The following MTCL1 variants were observed in gnomAD, a reference collection of about 807,000 sequenced individuals.
MTCL1 encodes the protein microtubule crosslinking factor 1.
MTCL1 carries 79 observed loss-of-function variants against 141.4 expected under a neutral mutation model. That is an observed-to-expected ratio of 0.56 (90% confidence interval 0.47 to 0.67). The LOEUF (loss-of-function observed/expected upper bound fraction) is 0.67. MTCL1 is among the 30% of genes least tolerant of loss of function. MTCL1 has a pLI of 0.00. For synonymous variants in MTCL1, 914 were observed against 875.8 expected, an observed-to-expected ratio of 1.04 and a Z score of -0.77; for missense variants, 2,177 against 2,113.9, an observed-to-expected ratio of 1.03 and a Z score of -0.59.
chr18:8,819,087 G>C (rs2076757018), exon 13 of MTCL1: 2 of 1,614,246 alleles, frequency 1.2e-6, no homozygotes, highest in Non-Finnish European at 1.7e-6. Context: ...ATGTGGCCTT[G>C]TGCAGATGCT....
In MTCL1 at chr18:8,814,598, A is replaced by G. The variant is rs73398477; in HGVS notation, c.2859+1365A>G. On this transcript the variant is annotated intron_variant, in intron 12 of 16. Transcript: ENST00000359865. ...GATAGAAGTGGCATATATTCTTTGA[A>G]AATGGCCACTAATTTATTATATCCA... Among the ~76,000 whole-genome samples, 1,452 of 152,310 alleles carry G rather than the reference A, an allele frequency of 9.5e-3. 21 individuals carry two copies. The highest frequency in any genetic ancestry group is 0.031 in the East Asian group (159 of 5,182).
At chr18:8,770,406 A>G (rs1352778758) in intron 4 of MTCL1, among the ~76,000 whole-genome samples, 4 of 152,192 alleles carry the variant, frequency 2.6e-5, no homozygotes, top group Non-Finnish European at 5.9e-5. Context: ...CTCAGAGTCC[A>G]GGGTTGAGTT....
chr18:8,763,917 G>A (rs549790562), intron 4 of MTCL1, among the ~76,000 whole-genome samples: 5 of 152,162 alleles, frequency 3.3e-5, no homozygotes, highest in African/African-American at 1.2e-4. Context: ...GAATTTTGTT[G>A]TTGAAATTTT....
intron 4 of MTCL1, among the ~76,000 whole-genome samples, chr18:8,756,341 GTA>G (rs1174595595): frequency 4.1e-5 from 6 of 147,928 alleles, no homozygotes; most frequent in Admixed American, 6.7e-5. Flanking sequence ...ATATGTGTGT[GTA>G]TATATATGTG....
At chr18:8,812,851 A>T (rs1010381779) in intron 11 of MTCL1, 128 bp from the exon 11 acceptor site, 1 of 1,196,324 alleles carries the variant, frequency 8.4e-7, no homozygotes, top group Non-Finnish European at 1.2e-6. Context: ...AAATTTGTTT[A>T]TACTGTGGGA....
At chr18:8,718,540 C>T (rs141884978) in exon 3 of MTCL1, 2 of 1,614,090 alleles carry the variant, frequency 1.2e-6, no homozygotes, top group East Asian at 2.2e-5. Flanking sequence ...ATAAAAACTG[C>T]CGAATCCTGC....
At position 8,783,631 on chromosome 18, in the gene MTCL1, G is replaced by A. The variant is rs371711557; in HGVS notation, c.519G>A (p.Leu173=). The change falls in exon 6 of 17, where the codon CTG becomes CTA. Residue 173 remains leucine, a synonymous_variant. Coordinates refer to ENST00000359865, the Ensembl canonical transcript of MTCL1. Reference sequence around the variant, plus strand: ...AGCTAGGAAGGGAGAAGGACGAGCTGGAGCAGGAGCTCCAGAAGTACAAGT... The same window carrying A: ...AGCTAGGAAGGGAGAAGGACGAGCTAGAGCAGGAGCTCCAGAAGTACAAGT... 8 of 1,613,592 alleles carry A rather than the reference G, an allele frequency of 5.0e-6. No homozygotes were observed. In the African/African-American group the frequency reaches 6.7e-5, roughly 13 times the overall value.
chr18:8,738,420 A>G (rs1256198917), intron 4 of MTCL1, among the ~76,000 whole-genome samples: 1 of 152,162 alleles, frequency 6.6e-6, no homozygotes, highest in Non-Finnish European at 1.5e-5. Flanking sequence ...AGGTACTTTT[A>G]ATGTGAAGCC....
chr18:8,765,559 A>G (rs1320819840), intron 4 of MTCL1, among the ~76,000 whole-genome samples: 2 of 152,126 alleles, frequency 1.3e-5, no homozygotes, highest in Non-Finnish European at 2.9e-5. Flanking sequence ...AGTGCCTCAC[A>G]CTGCCCGTCC....
At chr18:8,829,074 C>T (rs912871721) in intron 16 of MTCL1, 2 of 1,577,974 alleles carry the variant, frequency 1.3e-6, no homozygotes, top group Non-Finnish European at 1.7e-6. Context: ...GTGGCGGTAC[C>T]CTCGCTCACC....
intron 5 of MTCL1, among the ~76,000 whole-genome samples, chr18:8,778,153 AAGTGT>A (rs2096518918): frequency 6.6e-6 from 1 of 152,202 alleles, no homozygotes; most frequent in Non-Finnish European, 1.5e-5. Flanking sequence ...AAACAGAATT[AAGTGT>A]AGTTTGGGGG....
intron 11 of MTCL1, among the ~76,000 whole-genome samples, chr18:8,808,552 C>T (rs903198034): frequency 6.6e-6 from 1 of 152,174 alleles, no homozygotes; most frequent in Non-Finnish European, 1.5e-5. Flanking sequence ...CTGCCCAAAT[C>T]ATTTAGGAAG....
chr18:8,786,381 G>A (rs900735903), intron 7 of MTCL1: 1 of 640,882 alleles, frequency 1.6e-6, no homozygotes, highest in African/African-American at 1.8e-5. Flanking sequence ...TAGGCTGATT[G>A]GTGAGTGCGC....
upstream of MTCL1, among the ~76,000 whole-genome samples, chr18:8,713,000 C>T (rs374324008): frequency 7.7e-3 from 1,168 of 152,274 alleles, 19 homozygotes; most frequent in African/African-American, 0.026. Context: ...ATCACTTATA[C>T]TAAGAAGCCA....
chr18:8,706,754 G>C, intron 1 of MTCL1, 41 bp downstream of exon 1: 2 of 1,539,856 alleles, frequency 1.3e-6, no homozygotes, highest in Non-Finnish European at 1.7e-6. Flanking sequence ...GGGCGCCCCC[G>C]GAGGGCCTGG....
At position 8,810,075 on chromosome 18, in the gene MTCL1, TC is replaced by T. The variant is rs2076432572; in HGVS notation, c.2605-2902del. 6.4e-6 allele frequency: 1 copy of T among 155,150 alleles called. No individual in the cohort carries two copies. Among genetic ancestry groups the T allele is most frequent in the Non-Finnish European group, 1.4e-5 (1 of 69,918 alleles). The allele number at this position is 155,150 out of a possible 1,614,324, so 9.6% of individuals were successfully genotyped here. On this transcript the variant is annotated intron_variant, in intron 11 of 16. Transcript: ENST00000359865. This position sits in a 1 kb window ranked among gnomAD's most constrained non-coding sequence, Gnocchi z 5.0. The stretch of plus-strand genomic sequence containing the variant: ...GCCAAAGGGAGAGACGCTGTGGCGT[TC>T]CAGGTGGAGTTCAGCGATATCGGAT...
intron 4 of MTCL1, among the ~76,000 whole-genome samples, chr18:8,773,823 T>C (rs1005784512): frequency 9.2e-5 from 14 of 152,212 alleles, no homozygotes; most frequent in African/African-American, 2.4e-5. Flanking sequence ...TATTGATTAT[T>C]AAAATCTCAT....
chr18:8,794,826 C>T (rs1353815024), intron 8 of MTCL1, among the ~76,000 whole-genome samples: 1 of 152,184 alleles, frequency 6.6e-6, no homozygotes. Flanking sequence ...TTTTTAATTA[C>T]TGATCTTTGT....
rs551550791 is a variant in MTCL1, at chr18:8,739,102, A to G, written c.357+18606A>G. Among the ~76,000 whole-genome samples, 13 of 152,246 alleles carry G rather than the reference A, an allele frequency of 8.5e-5. 1 individual carries two copies. The South Asian group carries it at 2.7e-3, about 32-fold the overall frequency. On this transcript the variant is annotated intron_variant, in intron 4 of 16. Transcript: ENST00000359865. Reference sequence around the variant, plus strand: ...AAAATTAAAATTAAAAAAATTAGCCAGGTGTGGTGACATGTACCTATAGTC... The same window carrying G: ...AAAATTAAAATTAAAAAAATTAGCCGGGTGTGGTGACATGTACCTATAGTC...
Sources: allele counts gnomAD v4.1 joint callset (sites outside exome capture counted in the v4.1 genomes callset), GRCh38; gene constraint gnomAD v4.1.1; non-coding constraint Gnocchi (gnomAD v3.1); transcripts MANE v1.5; gene names NCBI Gene and HGNC (gene_info 2026-07-23, HGNC 2026-07-21).